Variants in RAPGEF6 observed in about 807,000 individuals in gnomAD.
The protein encoded by RAPGEF6 is Rap guanine nucleotide exchange factor 6, also known as PDZ domain containing guanine nucleotide exchange factor (GEF) 2.
RAPGEF6 carries 56 observed loss-of-function variants against 171.4 expected under a neutral mutation model. The ratio of observed to expected loss-of-function variants is 0.33; its 90% CI spans 0.26 to 0.41. RAPGEF6 has a LOEUF of 0.41. Ranked by LOEUF, RAPGEF6 falls within the 10% of genes least tolerant of loss-of-function variation. RAPGEF6 has a pLI of 1.00. For synonymous variants in RAPGEF6, 692 were observed against 650.1 expected (o/e 1.06, Z -0.98); for missense variants, 1,674 against 1,921.4 (o/e 0.87, Z 2.41).
At chr5:131,631,545 C>G (rs1766306614) in intron 1 of RAPGEF6, among the ~76,000 whole-genome samples, 1 of 152,210 alleles carries the variant, frequency 6.6e-6, no homozygotes, top group Non-Finnish European at 1.5e-5. Context: ...TCACTTTAGT[C>G]AGAGTGACCA....
At chr5:131,480,832 T>A (rs984446802) in intron 15 of RAPGEF6, among the ~76,000 whole-genome samples, 1 of 152,026 alleles carries the variant, frequency 6.6e-6, no homozygotes, top group African/African-American at 2.4e-5. Context: ...CGGTCACATT[T>A]ATGAGGCTAT....
At chr5:131,498,357 T>C (rs1461885564) in intron 12 of RAPGEF6, 86 bp downstream of exon 12, 3 of 1,241,876 alleles carry the variant, frequency 2.4e-6, no homozygotes, top group Non-Finnish European at 3.4e-6. Context: ...CTTATTATCA[T>C]AATAAACAGG....
At chr5:131,497,684 C>T (rs912427077) in intron 12 of RAPGEF6, among the ~76,000 whole-genome samples, 6 of 152,122 alleles carry the variant, frequency 3.9e-5, no homozygotes, top group Non-Finnish European at 5.9e-5. Flanking sequence ...GTGTGCAAGC[C>T]TGTAGTTTTA....
chr5:131,623,928 A>G (rs1018677652), intron 1 of RAPGEF6, among the ~76,000 whole-genome samples: 3 of 152,234 alleles, frequency 2.0e-5, no homozygotes, highest in South Asian at 2.1e-4. Flanking sequence ...GCAAGTAATC[A>G]TAACACAGCA....
chr5:131,466,981 C>G (rs1754397570), intron 17 of RAPGEF6, among the ~76,000 whole-genome samples: 2 of 152,158 alleles, frequency 1.3e-5, no homozygotes, highest in Non-Finnish European at 2.9e-5. Context: ...TCCTAGCTGT[C>G]CTGGGCTCCA....
chr5:131,503,808 G>A (rs1326621084), intron 11 of RAPGEF6, among the ~76,000 whole-genome samples: 1 of 152,166 alleles, frequency 6.6e-6, no homozygotes, highest in African/African-American at 2.4e-5. Flanking sequence ...TTAATACTCA[G>A]ACTCTACAAT....
At chr5:131,604,501 C>G in intron 2 of RAPGEF6, 122 bp downstream of exon 2, 1 of 1,088,938 alleles carries the variant, frequency 9.2e-7, no homozygotes, top group Non-Finnish European at 1.3e-6. Flanking sequence ...GGGATCTAAT[C>G]TATAATGCAT....
chr5:131,494,860 C>T (rs180693075), intron 13 of RAPGEF6, among the ~76,000 whole-genome samples: 8 of 152,230 alleles, frequency 5.3e-5, no homozygotes, highest in African/African-American at 1.9e-4. Context: ...ATGTGTATGA[C>T]TAAATCAGTG....
intron 1 of RAPGEF6, among the ~76,000 whole-genome samples, chr5:131,609,762 G>A (rs961889219): frequency 1.3e-5 from 2 of 152,120 alleles, no homozygotes; most frequent in African/African-American, 2.4e-5. Flanking sequence ...ATCCCAGAAC[G>A]GCCAGTAGTT....
At chr5:131,619,250 C>A (rs7724769) in intron 1 of RAPGEF6, among the ~76,000 whole-genome samples, 1 of 151,860 alleles carries the variant, frequency 6.6e-6, no homozygotes, top group Admixed American at 6.6e-5. Context: ...CACTCTTAAG[C>A]GGCAGCTGAA....
chr5:131,472,883 TAA>T, intron 16 of RAPGEF6, 139 bp from the exon 17 acceptor site: 1 of 688,534 alleles, frequency 1.5e-6, no homozygotes, highest in South Asian at 2.3e-5. Context: ...CAGCAATTTT[TAA>T]AAGACAATTG....
intron 6 of RAPGEF6, among the ~76,000 whole-genome samples, chr5:131,527,333 C>A (rs1213698101): frequency 6.6e-6 from 1 of 151,990 alleles, no homozygotes; most frequent in African/African-American, 2.4e-5. Context: ...AGAATGTTAA[C>A]CTTGCAAGTA....
rs530335449 is a variant in RAPGEF6, at chr5:131,605,495, AAAAT to A, written c.70-806_70-803del. 1.6e-3 allele frequency among the ~76,000 whole-genome samples: 248 copies of A among 152,302 alleles called. 1 individual carries two copies. Among genetic ancestry groups the A allele is most frequent in the African/African-American group, 4.9e-3 (202 of 41,574 alleles). ...TACCCTAAAACTTAAAGTATAATAA[AAAAT>A]AAATAAATAAAAAATAAAAAGCAGA... On this transcript the variant is annotated intron_variant, in intron 1 of 27. Transcript: ENST00000509018.
At chr5:131,567,963 A>G (rs1762049370) in intron 4 of RAPGEF6, among the ~76,000 whole-genome samples, 1 of 152,144 alleles carries the variant, frequency 6.6e-6, no homozygotes, top group African/African-American at 2.4e-5. Flanking sequence ...GTCTCTAGTA[A>G]TATTTCTTGT....
chr5:131,450,163 C>G, intron 21 of RAPGEF6: 2 of 1,161,958 alleles, frequency 1.7e-6, no homozygotes, highest in Non-Finnish European at 2.5e-6. Flanking sequence ...AACATTTTAT[C>G]AGGAAAAAAT....
intron 6 of RAPGEF6, among the ~76,000 whole-genome samples, chr5:131,543,927 T>C (rs562068915): frequency 1.3e-5 from 2 of 152,234 alleles, no homozygotes; most frequent in East Asian, 3.9e-4. Flanking sequence ...AATATGAATA[T>C]ACAAGTGACT....
At chr5:131,523,657 G>A (rs148320965) in intron 6 of RAPGEF6, among the ~76,000 whole-genome samples, 1 of 152,072 alleles carries the variant, frequency 6.6e-6, no homozygotes, top group South Asian at 2.1e-4. Context: ...TTCAGTGAGA[G>A]AATGTGACAT....
chr5:131,446,925 T>C (rs1333711859), intron 21 of RAPGEF6: 4 of 489,866 alleles, frequency 8.2e-6, no homozygotes, highest in Non-Finnish European at 7.3e-6. Context: ...AGGATAACAA[T>C]GGCCCCCTGA....
intron 1 of RAPGEF6, among the ~76,000 whole-genome samples, chr5:131,629,061 A>G (rs1489319446): frequency 1.3e-5 from 2 of 152,222 alleles, no homozygotes; most frequent in Non-Finnish European, 2.9e-5. Flanking sequence ...TCAACCTTCA[A>G]GTCTTGTTAT....
Sources: allele counts gnomAD v4.1 joint callset (sites outside exome capture counted in the v4.1 genomes callset), GRCh38; gene constraint gnomAD v4.1.1; transcripts MANE v1.5; gene names NCBI Gene and HGNC (gene_info 2026-07-23, HGNC 2026-07-21).